Variants in ANKS1A observed in about 807,000 individuals in gnomAD.
The protein encoded by ANKS1A is ankyrin repeat and SAM domain-containing protein 1A.
Under a neutral mutation model 120.3 loss-of-function variants are expected in ANKS1A, and 55 were observed. The observed-to-expected ratio is 0.46, with a 90% CI of 0.37 to 0.57. The LOEUF (loss-of-function observed/expected upper bound fraction) is 0.57, where lower values mean the gene tolerates loss of function less well. Ranked by LOEUF, ANKS1A falls within the 20% of genes least tolerant of loss-of-function variation. The probability of loss-of-function intolerance (pLI) is 0.00; values close to 1 mark genes in which losing one functional copy is unlikely to be tolerated. For synonymous variants in ANKS1A, 590 were observed against 604.7 expected (o/e 0.98, Z 0.36); for missense variants, 1,123 against 1,480.3 (o/e 0.76, Z 3.96).
Position 35,082,477 on chromosome 6 carries a change from C to A in ANKS1A, c.2710-214C>A, listed in dbSNP as rs73403873. On this transcript the variant is annotated intron_variant, in intron 17 of 23. Coordinates refer to ENST00000360359, the MANE Select transcript of ANKS1A (RefSeq NM_015245.3). This position sits in a 1 kb window ranked among gnomAD's most constrained non-coding sequence, Gnocchi z 4.1. Reference sequence around the variant, plus strand: ...GTCCTTCCCAAGCCCTGCTCTCAGGCGGTTTGGGTCCCTGCTGTGCCTCTG... The same window carrying A: ...GTCCTTCCCAAGCCCTGCTCTCAGGAGGTTTGGGTCCCTGCTGTGCCTCTG... Among the ~76,000 whole-genome samples the A allele has an allele frequency of 6.6e-6, 1 of 152,130 alleles. No individual in the cohort carries two copies. Among genetic ancestry groups the A allele is most frequent in the African/African-American group, 2.4e-5 (1 of 41,410 alleles).
intron 3 of ANKS1A, 93 bp from the exon 4 acceptor site, chr6:34,981,597 A>G (rs368493813): frequency 1.4e-6 from 2 of 1,384,090 alleles, no homozygotes; most frequent in South Asian, 2.7e-5. Context: ...TATTTTTCTC[A>G]TTTAAACTTC....
At chr6:34,942,980 C>G (rs541146742) in intron 1 of ANKS1A, among the ~76,000 whole-genome samples, 2 of 143,540 alleles carry the variant, frequency 1.4e-5, no homozygotes, top group African/African-American at 5.2e-5. Context: ...TTTCCTTTTC[C>G]TTTCCTTTTC....
rs763766853 is a variant in ANKS1A at position 35,089,438 on chromosome 6, G to C, written c.*829G>C. On this transcript the variant is annotated 3_prime_UTR_variant, in exon 24 of 24. Coordinates refer to ENST00000360359, the MANE Select transcript of ANKS1A (RefSeq NM_015245.3). ...GGCTGGCCGGCGCCGTACTGCCTGC[G>C]TTGTGTCAGAGAATAGGAAAAGCAG... The C allele has an allele frequency of 4.1e-6, 4 of 986,672 alleles. No homozygotes were observed. The highest frequency in any genetic ancestry group is 4.8e-6 in the Non-Finnish European group (4 of 830,598). 61.1% of individuals were successfully genotyped at this position (986,672 alleles called of 1,614,324 possible).
rs139674383 is a variant in ANKS1A at position 35,017,848 on chromosome 6, G to T, written c.1799G>T (p.Arg600Leu). The stretch of plus-strand genomic sequence containing the variant: ...CCTGGTGGTGCTGAGGAAGGAGACC[G>T]GAGTGGGGCCAGGAGCCGAGCGCCT... ...PHPGGAEEGDRSGARSRAPPT... is the reference protein window; with the variant it reads ...PHPGGAEEGDLSGARSRAPPT... Residue 600 changes from arginine to leucine, a missense_variant, in exon 11 of 24, where the codon CGG (arginine) becomes CTG (leucine). By Grantham distance (102) the Arg-to-Leu change is moderately radical. Around this residue, in one of 3 missense-constraint regions of ANKS1A, gnomAD observed 904 missense variants for 1,130.4 expected, o/e 0.80. Transcript: ENST00000360359. 14 of 1,614,082 alleles carry T rather than the reference G, an allele frequency of 8.7e-6. No individual in the cohort carries two copies. In the East Asian group the frequency reaches 3.1e-4, roughly 36 times the overall value.
intron 20 of ANKS1A, among the ~76,000 whole-genome samples, chr6:35,083,728 C>A (rs1403897639): frequency 6.6e-6 from 1 of 152,174 alleles, no homozygotes; most frequent in Non-Finnish European, 1.5e-5. Flanking sequence ...CTGCTGTTAG[C>A]CTCGCCACCT....
intron 10 of ANKS1A, among the ~76,000 whole-genome samples, chr6:35,005,162 G>GTGTA (rs1773385872): frequency 6.6e-6 from 1 of 152,220 alleles, no homozygotes. Context: ...GCGGGTCAGA[G>GTGTA]TGTATGTGCA....
intron 1 of ANKS1A, among the ~76,000 whole-genome samples, chr6:34,922,482 G>A (rs893934934): frequency 1.8e-4 from 27 of 152,024 alleles, no homozygotes; most frequent in African/African-American, 6.3e-4. Context: ...CCACCTCAAT[G>A]AGCACACCTG....
chr6:34,906,419 T>C (rs1406598624), intron 1 of ANKS1A, among the ~76,000 whole-genome samples: 1 of 152,208 alleles, frequency 6.6e-6, no homozygotes, highest in Non-Finnish European at 1.5e-5. Context: ...CATCAGCAAA[T>C]ACTAATTAGT....
intron 10 of ANKS1A, among the ~76,000 whole-genome samples, chr6:34,998,589 C>T (rs1228780236): frequency 6.6e-6 from 1 of 152,094 alleles, no homozygotes; most frequent in Non-Finnish European, 1.5e-5. Flanking sequence ...ACTTCCCGGT[C>T]TGTTCTATTT....
intron 1 of ANKS1A, among the ~76,000 whole-genome samples, chr6:34,919,470 A>G (rs559510911): frequency 6.6e-6 from 1 of 152,322 alleles, no homozygotes; most frequent in East Asian, 1.9e-4. Context: ...GCCATTTGCA[A>G]TTCCCTTGAA....
intron 1 of ANKS1A, among the ~76,000 whole-genome samples, chr6:34,918,755 T>C (rs910897078): frequency 6.6e-6 from 1 of 152,196 alleles, no homozygotes. Context: ...ACAACACACA[T>C]GAAATTTTTT....
At chr6:34,964,997 T>G (rs1263573369) in intron 1 of ANKS1A, among the ~76,000 whole-genome samples, 1 of 152,240 alleles carries the variant, frequency 6.6e-6, no homozygotes, top group African/African-American at 2.4e-5. Flanking sequence ...CTTTTAGTAA[T>G]TCCTCAGCAT....
chr6:35,087,926 C>G (rs941929804), intron 23 of ANKS1A, among the ~76,000 whole-genome samples: 15 of 152,348 alleles, frequency 9.8e-5, no homozygotes, highest in Middle Eastern at 3.4e-3. Flanking sequence ...GGGCCTGGCT[C>G]TGGAGTCTAG....
Position 34,991,579 on chromosome 6 carries a change from C to T in ANKS1A, c.1302+2263C>T, listed in dbSNP as rs867750692. Among the ~76,000 whole-genome samples, 100 of 89,768 alleles carry T rather than the reference C, an allele frequency of 1.1e-3. 1 individual carries two copies. The highest frequency in any genetic ancestry group is 2.7e-3 in the African/African-American group (73 of 27,286). The allele number at this position is 89,768 out of a possible 152,430, so 58.9% of individuals were successfully genotyped here. ...ACACACACACACACACACACACACA[C>T]ATATACACATATATATATACACACA... On this transcript the variant is annotated intron_variant, in intron 9 of 23. Transcript: ENST00000360359.
chr6:35,082,904 C>G lies in ANKS1A; in HGVS notation c.2835+88C>G. 1 of 1,544,116 alleles carries G rather than the reference C, an allele frequency of 6.5e-7. No individual in the cohort carries two copies. The highest frequency in any genetic ancestry group is 1.3e-5 in the South Asian group (1 of 78,732). ...CGGCCAAGTCCCAGCAGGGACTCCACAAAGCCAGGCCCAGGGCTTTTGAGC... is the reference window on the plus strand; with the variant it reads ...CGGCCAAGTCCCAGCAGGGACTCCAGAAAGCCAGGCCCAGGGCTTTTGAGC... On this transcript the variant is annotated intron_variant, in intron 18 of 23. Coordinates refer to ENST00000360359, the MANE Select transcript of ANKS1A (RefSeq NM_015245.3). This position sits in a 1 kb window ranked among gnomAD's most constrained non-coding sequence, Gnocchi z 4.1.
chr6:35,088,491 C>CG, intron 23 of ANKS1A, 115 bp from the exon 24 acceptor site: 4 of 1,378,072 alleles, frequency 2.9e-6, no homozygotes, highest in African/African-American at 1.4e-5. Flanking sequence ...GAGGGTGCCC[C>CG]GGGGAGGCTG....
At chr6:34,919,554 T>C (rs904636672) in intron 1 of ANKS1A, among the ~76,000 whole-genome samples, 39 of 152,334 alleles carry the variant, frequency 2.6e-4, no homozygotes, top group African/African-American at 9.1e-4. Context: ...CATGCTTCAA[T>C]CTTTAACAGC....
chr6:35,005,430 T>C (rs1353619205), intron 10 of ANKS1A, among the ~76,000 whole-genome samples: 1 of 152,252 alleles, frequency 6.6e-6, no homozygotes, highest in Non-Finnish European at 1.5e-5. Context: ...TTTGTGTAAA[T>C]ACCTATAATA....
In ANKS1A at chr6:35,090,906, G is replaced by C. The variant is rs1778268942; in HGVS notation, c.*2297G>C. On this transcript the variant is annotated 3_prime_UTR_variant, in exon 24 of 24. Transcript: ENST00000360359. ...GCTGCTCAGCGCATAAGACCTTCCC[G>C]ACAGGCTCTGCGTGTGCAGCTCTCT... 1 of 985,504 alleles carries C rather than the reference G, an allele frequency of 1.0e-6. No homozygotes were observed. Among genetic ancestry groups the C allele is most frequent in the Admixed American group, 6.1e-5 (1 of 16,266 alleles). 61.0% of individuals were successfully genotyped at this position (985,504 alleles called of 1,614,324 possible).
Sources: allele counts gnomAD v4.1 joint callset (sites outside exome capture counted in the v4.1 genomes callset), GRCh38; gene constraint gnomAD v4.1.1; regional missense constraint gnomAD v4.1.1; non-coding constraint Gnocchi (gnomAD v3.1); transcripts MANE v1.5; gene names NCBI Gene and HGNC (gene_info 2026-07-23, HGNC 2026-07-21).